The following PLCL1 variants were observed in gnomAD, a reference collection of about 807,000 sequenced individuals.
PLCL1 encodes phospholipase C like 1 (inactive).
Under a neutral mutation model 84.4 loss-of-function variants are expected in PLCL1, and 41 were observed. The observed-to-expected ratio is 0.49, with a 90% confidence interval of 0.38 to 0.63. The LOEUF is 0.63. PLCL1 is among the 30% of genes least tolerant of loss of function. PLCL1 has a pLI of 0.00. For synonymous variants in PLCL1, 490 were observed against 488.3 expected (o/e 1.00, Z -0.05); for missense variants, 1,206 against 1,367.8 (o/e 0.88, Z 1.87).
chr2:197,969,621 TACATATGGTA>T (rs542229578), intron 1 of PLCL1, among the ~76,000 whole-genome samples: 145 of 152,348 alleles, frequency 9.5e-4, no homozygotes, highest in African/African-American at 3.5e-3. Flanking sequence ...GTTTGCTTAA[TACATATGGTA>T]ATCATTGATA....
intron 5 of PLCL1, among the ~76,000 whole-genome samples, chr2:198,107,935 T>G (rs1323650675): frequency 1.3e-5 from 2 of 151,844 alleles, no homozygotes; most frequent in African/African-American, 4.8e-5. Flanking sequence ...TCTGGTGTCC[T>G]TTCCCCAAGA....
At position 197,934,131 on chromosome 2, in the gene PLCL1, G is replaced by A. The variant is rs948496895; in HGVS notation, c.240+128792G>A. On this transcript the variant is annotated intron_variant, in intron 1 of 5. Coordinates refer to ENST00000428675, the MANE Select transcript of PLCL1 (RefSeq NM_006226.4). ...AAAATATGAGTGTTTTAAAATGATTGTGTTTATGGTTTCTTTCTTATCTCA... is the reference window on the plus strand; with the variant it reads ...AAAATATGAGTGTTTTAAAATGATTATGTTTATGGTTTCTTTCTTATCTCA... Among the ~76,000 whole-genome samples, 5 of 152,150 alleles carry A rather than the reference G, an allele frequency of 3.3e-5. No individual in the cohort carries two copies. In the South Asian group the frequency reaches 8.3e-4, roughly 25 times the overall value.
intron 1 of PLCL1, among the ~76,000 whole-genome samples, chr2:197,863,852 C>CT (rs1394130154): frequency 6.6e-5 from 10 of 152,052 alleles, no homozygotes; most frequent in Admixed American, 6.6e-5. Context: ...TGTCAGAGGA[C>CT]TTTTTTTATA....
At chr2:197,940,738 A>G (rs2105773961) in intron 1 of PLCL1, among the ~76,000 whole-genome samples, 1 of 152,362 alleles carries the variant, frequency 6.6e-6, no homozygotes, top group Admixed American at 6.5e-5. Flanking sequence ...GACCATGTCT[A>G]TTACGCCATA....
At chr2:197,842,360 A>G (rs998029781) in intron 1 of PLCL1, among the ~76,000 whole-genome samples, 1 of 152,068 alleles carries the variant, frequency 6.6e-6, no homozygotes, top group African/African-American at 2.4e-5. Flanking sequence ...TGGACAGCTG[A>G]CATTCTGACT....
Position 198,148,043 on chromosome 2 carries a change from C to T in PLCL1, c.*1081C>T, listed in dbSNP as rs1178290248. 1 of 152,216 alleles carries T rather than the reference C, an allele frequency of 6.6e-6. No homozygotes were observed. The highest frequency in any genetic ancestry group is 2.1e-4 in the South Asian group (1 of 4,828). The allele number at this position is 152,216 out of a possible 1,614,324, so 9.4% of individuals were successfully genotyped here. Reference sequence around the variant, plus strand: ...CCACACATCTATGATATAACCCTAACACACACAGAAAAGCATACATGCAAA... The same window carrying T: ...CCACACATCTATGATATAACCCTAATACACACAGAAAAGCATACATGCAAA... On this transcript the variant is annotated 3_prime_UTR_variant, in exon 6 of 6. Transcript: ENST00000428675.
intron 1 of PLCL1, chr2:198,071,106 A>G (rs1692453410): frequency 7.1e-5 from 6 of 84,760 alleles, no homozygotes; most frequent in African/African-American, 2.7e-4. Context: ...ATGCACACAC[A>G]CACACACACA....
chr2:197,817,397 T>TA (rs1690712430), intron 1 of PLCL1, among the ~76,000 whole-genome samples: 1 of 152,094 alleles, frequency 6.6e-6, no homozygotes, highest in Non-Finnish European at 1.5e-5. Flanking sequence ...TGTGTATACT[T>TA]ACGCCAGGCA....
intron 1 of PLCL1, among the ~76,000 whole-genome samples, chr2:197,982,360 A>C (rs1395421181): frequency 1.3e-5 from 2 of 152,162 alleles, no homozygotes; most frequent in African/African-American, 4.8e-5. Context: ...TCCAAATGTT[A>C]AGTGTATAAT....
At chr2:198,064,778 T>C (rs1692284069) in intron 1 of PLCL1, among the ~76,000 whole-genome samples, 2 of 152,202 alleles carry the variant, frequency 1.3e-5, no homozygotes, top group African/African-American at 2.4e-5. Context: ...ACTTCTTCTA[T>C]AGGATTTTAA....
At chr2:197,890,859 GTATATATA>G (rs1688012846) in intron 1 of PLCL1, among the ~76,000 whole-genome samples, 2 of 127,616 alleles carry the variant, frequency 1.6e-5, no homozygotes, top group Non-Finnish European at 3.2e-5. Context: ...ATATATATGT[GTATATATA>G]CATATATGCA....
At chr2:198,030,254 G>C (rs1691379287) in intron 1 of PLCL1, among the ~76,000 whole-genome samples, 1 of 151,994 alleles carries the variant, frequency 6.6e-6, no homozygotes, top group Non-Finnish European at 1.5e-5. Flanking sequence ...TTATAAGTGA[G>C]AACATATGGT....
At chr2:198,127,628 C>A (rs1694019193) in intron 5 of PLCL1, among the ~76,000 whole-genome samples, 1 of 152,136 alleles carries the variant, frequency 6.6e-6, no homozygotes, top group South Asian at 2.1e-4. Flanking sequence ...TGCCTATTTA[C>A]ACAGGTTGGG....
chr2:197,861,425 G>T (rs1458312355), intron 1 of PLCL1, among the ~76,000 whole-genome samples: 2 of 152,170 alleles, frequency 1.3e-5, no homozygotes, highest in Non-Finnish European at 2.9e-5. Flanking sequence ...GTGTTCATCA[G>T]TATCCTTTGT....
intron 1 of PLCL1, among the ~76,000 whole-genome samples, chr2:197,873,066 T>A (rs1687675429): frequency 6.6e-6 from 1 of 152,174 alleles, no homozygotes; most frequent in African/African-American, 2.4e-5. Context: ...CCACACACTA[T>A]GTTATAGTCA....
At position 198,114,000 on chromosome 2, in the gene PLCL1, C is replaced by CAG. The variant is rs140591887; in HGVS notation, c.3105+10079_3105+10080dup. On this transcript the variant is annotated intron_variant, in intron 5 of 5. Coordinates refer to ENST00000428675, the MANE Select transcript of PLCL1 (RefSeq NM_006226.4). ...TCTACAATTTAAAGCTGAAAAGATG[C>CAG]AGAGAGAGAGAGAGAGTTATATAAT... Among the ~76,000 whole-genome samples, 967 of 149,692 alleles carry CAG rather than the reference C, an allele frequency of 6.5e-3. 8 individuals carry two copies. The highest frequency in any genetic ancestry group is 0.01 in the Middle Eastern group (3 of 290).
intron 1 of PLCL1, among the ~76,000 whole-genome samples, chr2:197,813,506 A>T (rs563108744): frequency 1.2e-3 from 186 of 152,212 alleles, no homozygotes; most frequent in African/African-American, 4.2e-3. Flanking sequence ...AATATTATAT[A>T]TTTAGAAATG....
At chr2:197,922,689 G>A (rs1316712880) in intron 1 of PLCL1, among the ~76,000 whole-genome samples, 9 of 125,818 alleles carry the variant, frequency 7.2e-5, no homozygotes, top group East Asian at 3.0e-4. Context: ...GCGGCTGGCT[G>A]GGCAGAGGGG....
intron 1 of PLCL1, among the ~76,000 whole-genome samples, chr2:197,913,603 G>C (rs1243908459): frequency 6.6e-6 from 1 of 152,178 alleles, no homozygotes; most frequent in Non-Finnish European, 1.5e-5. Context: ...ACAATGTTTA[G>C]ATATTTTTAG....
Sources: allele counts gnomAD v4.1 joint callset (sites outside exome capture counted in the v4.1 genomes callset), GRCh38; gene constraint gnomAD v4.1.1; transcripts MANE v1.5; gene names NCBI Gene and HGNC (gene_info 2026-07-23, HGNC 2026-07-21).